USP31: variants seen among roughly 807,000 people sequenced by gnomAD.
USP31 encodes ubiquitin carboxyl-terminal hydrolase 31.
A neutral mutation model predicts 119.4 loss-of-function variants in USP31; 44 were observed. The ratio of observed to expected loss-of-function variants is 0.37; its 90% confidence interval spans 0.29 to 0.47. The LOEUF is 0.47. Among genes scored for constraint, USP31 ranks in the 20% least tolerant of loss-of-function variants. The pLI is 0.99. For synonymous variants in USP31, 749 were observed against 705.6 expected, an observed-to-expected ratio of 1.06 and a Z score of -0.97; for missense variants, 1,643 against 1,730.2, an observed-to-expected ratio of 0.95 and a Z score of 0.89.
Position 23,069,023 on chromosome 16 carries a change from T to C in USP31, c.3082A>G (p.Ser1028Gly), listed in dbSNP as rs1268618811. The change falls in exon 16 of 16, where the codon AGT becomes GGT. Residue 1028 changes from serine to glycine, a missense_variant. Around this residue, in one of 5 missense-constraint regions of USP31, gnomAD observed 699 missense variants for 650.9 expected, o/e 1.07. Coordinates refer to ENST00000219689, the MANE Select transcript of USP31 (RefSeq NM_020718.4). ...KPESTTKRSP[S>G]SKGTSEPEKS... ...TCTGGCTCAGAAGTGCCTTTGGAAC[T>C]GGGGGATCTCTTAGTTGTGCTCTCT... The C allele has an allele frequency of 1.2e-6, 2 of 1,613,692 alleles. No homozygotes were observed. Among genetic ancestry groups the C allele is most frequent in the Non-Finnish European group, 1.7e-6 (2 of 1,180,030 alleles).
intron 6 of USP31, 59 bp from the exon 7 acceptor site, chr16:23,090,863 TA>T: frequency 7.3e-7 from 1 of 1,377,306 alleles, no homozygotes; most frequent in Non-Finnish European, 9.5e-7. Flanking sequence ...ATTCACTCGT[TA>T]TGAAGAAATT....
intron 1 of USP31, among the ~76,000 whole-genome samples, chr16:23,122,775 G>T (rs1427969641): frequency 6.6e-6 from 1 of 152,116 alleles, no homozygotes; most frequent in Non-Finnish European, 1.5e-5. Flanking sequence ...TAGTGTTCAT[G>T]TAGGGCTGGA....
At chr16:23,110,436 G>A (rs908453976) in intron 1 of USP31, among the ~76,000 whole-genome samples, 3 of 152,108 alleles carry the variant, frequency 2.0e-5, no homozygotes, top group Non-Finnish European at 2.9e-5. Context: ...ACACCTTCAA[G>A]GAAGACCAAC....
chr16:23,109,984 T>C (rs150468170), intron 1 of USP31, among the ~76,000 whole-genome samples: 95 of 152,186 alleles, frequency 6.2e-4, no homozygotes, highest in Middle Eastern at 3.4e-3. Context: ...CATGGGAGCC[T>C]GGAACAGAAA....
At chr16:23,087,292 T>A in intron 8 of USP31, 106 bp from the exon 9 acceptor site, 1 of 916,940 alleles carries the variant, frequency 1.1e-6, no homozygotes, top group Non-Finnish European at 1.7e-6. Context: ...CTGTTTATTC[T>A]GCAAAATGCT....
chr16:23,128,634 T>TAA (rs1201511820), intron 1 of USP31, among the ~76,000 whole-genome samples: 3 of 152,110 alleles, frequency 2.0e-5, no homozygotes, highest in African/African-American at 7.2e-5. Flanking sequence ...AGCTAACAAG[T>TAA]AAAAAAGGAA....
At chr16:23,084,770 C>A in intron 11 of USP31, 90 bp downstream of exon 11, 1 of 1,556,806 alleles carries the variant, frequency 6.4e-7, no homozygotes, top group Non-Finnish European at 8.7e-7. Flanking sequence ...GCGGCGACTT[C>A]TGGGGCGTGA....
At position 23,103,452 on chromosome 16, in the gene USP31, A is replaced by G. The variant is rs546095197; in HGVS notation, c.1090-989T>C. 3.6e-4 allele frequency among the ~76,000 whole-genome samples: 55 copies of G among 152,354 alleles called. No homozygotes were observed. The South Asian group carries it at 6.2e-3, about 17-fold the overall frequency. On this transcript the variant is annotated intron_variant, in intron 5 of 15. Transcript: ENST00000219689. ...GTAAATACAAAGCAAGGTAAAAATA[A>G]TATGTGTAAATGATTCTACTTATAT...
At chr16:23,086,432 C>A (rs999956673) in intron 9 of USP31, among the ~76,000 whole-genome samples, 3 of 151,554 alleles carry the variant, frequency 2.0e-5, no homozygotes, top group Non-Finnish European at 4.4e-5. Flanking sequence ...TTTATTAATA[C>A]AATAGAGTAT....
In USP31 at chr16:23,072,296, G is replaced by T. The variant is rs1900380733; in HGVS notation, c.2336-99C>A. On this transcript the variant is annotated intron_variant, in intron 14 of 15. Coordinates refer to ENST00000219689, the MANE Select transcript of USP31 (RefSeq NM_020718.4). ...GAAGGTGTTACGAGCTGAGCTGGGGGGCGTTGATGTCCTCACCCCGAGGTC... is the reference window on the plus strand; with the variant it reads ...GAAGGTGTTACGAGCTGAGCTGGGGTGCGTTGATGTCCTCACCCCGAGGTC... The T allele has an allele frequency of 2.7e-6, 4 of 1,501,744 alleles. No individual in the cohort carries two copies. In the African/African-American group the frequency reaches 4.1e-5, roughly 16 times the overall value. 93.0% of individuals were successfully genotyped at this position (1,501,744 alleles called of 1,614,324 possible). A position where few individuals can be genotyped will look rare whatever the true frequency, so the allele number is the denominator to read the frequency against.
intron 1 of USP31, among the ~76,000 whole-genome samples, chr16:23,142,233 G>C (rs1240913457): frequency 6.6e-6 from 1 of 152,210 alleles, no homozygotes; most frequent in Non-Finnish European, 1.5e-5. Context: ...AACTTGGTAA[G>C]ATGTGGTAAA....
chr16:23,117,760 TTTG>T (rs1555468290), intron 1 of USP31, among the ~76,000 whole-genome samples: 3 of 145,012 alleles, frequency 2.1e-5, no homozygotes, highest in Non-Finnish European at 3.1e-5. Context: ...TCTTTTTTTT[TTTG>T]TTGTTGTTGT....
intron 6 of USP31, among the ~76,000 whole-genome samples, chr16:23,096,212 G>A (rs1034616588): frequency 3.3e-5 from 5 of 152,042 alleles, no homozygotes; most frequent in Non-Finnish European, 7.4e-5. Flanking sequence ...TCATAAAACA[G>A]AATTTAAACC....
Position 23,106,321 on chromosome 16 carries a change from G to T in USP31, c.861-16C>A. The T allele has an allele frequency of 6.2e-7, 1 of 1,614,078 alleles. No homozygotes were observed. Among genetic ancestry groups the T allele is most frequent in the South Asian group, 1.1e-5 (1 of 91,052 alleles). On this transcript the variant is annotated splice_polypyrimidine_tract_variant and intron_variant, in intron 3 of 15. Coordinates refer to ENST00000219689, the MANE Select transcript of USP31 (RefSeq NM_020718.4). ...CAAAGAAGATCTTCAAAACAAAAAG[G>T]TAAGACGCTTGACATTAAAATCACC... is the stretch of plus-strand genomic sequence containing the variant.
At chr16:23,140,189 T>C (rs1168289736) in intron 1 of USP31, among the ~76,000 whole-genome samples, 2 of 152,210 alleles carry the variant, frequency 1.3e-5, no homozygotes, top group Admixed American at 6.5e-5. Context: ...GCTAAACTGT[T>C]GTGACAGACT....
At chr16:23,071,782 C>T (rs944051188) in intron 15 of USP31, among the ~76,000 whole-genome samples, 3 of 150,718 alleles carry the variant, frequency 2.0e-5, no homozygotes, top group African/African-American at 7.3e-5. Flanking sequence ...GTATATAAAG[C>T]TCCAGCCTCC....
At chr16:23,089,226 C>G (rs1313423484) in intron 7 of USP31, among the ~76,000 whole-genome samples, 2 of 152,192 alleles carry the variant, frequency 1.3e-5, no homozygotes, top group Non-Finnish European at 2.9e-5. Context: ...CATGTTCACA[C>G]AGCACACTGG....
intron 1 of USP31, 98 bp downstream of exon 1, chr16:23,148,540 C>A: frequency 2.2e-6 from 3 of 1,368,070 alleles, no homozygotes; most frequent in Non-Finnish European, 2.8e-6. Context: ...AATGCAGAAG[C>A]CTGCCGGGCC....
intron 5 of USP31, 54 bp downstream of exon 5, chr16:23,105,386 AC>A (rs1209964952): frequency 6.7e-7 from 1 of 1,486,300 alleles, no homozygotes; most frequent in African/African-American, 1.4e-5. Context: ...TTCTAAGAGA[AC>A]AGAAAGCAAT....
Sources: allele counts gnomAD v4.1 joint callset (sites outside exome capture counted in the v4.1 genomes callset), GRCh38; gene constraint gnomAD v4.1.1; regional missense constraint gnomAD v4.1.1; transcripts MANE v1.5; gene names NCBI Gene and HGNC (gene_info 2026-07-23, HGNC 2026-07-21).